Variants in LARP4B observed in about 807,000 individuals in gnomAD.
LARP4B encodes the protein la-related protein 4B.
A neutral mutation model predicts 89.8 loss-of-function variants in LARP4B; 12 were observed. That is an observed-to-expected ratio of 0.13 (90% CI 0.09 to 0.22). LARP4B has a LOEUF of 0.22. Ranked by LOEUF, LARP4B falls within the 10% of genes least tolerant of loss-of-function variation. The pLI is 1.00. For missense variants in LARP4B, 757 were observed against 947.7 expected (o/e 0.80, Z 2.64); for synonymous variants, 367 against 363.3 (o/e 1.01, Z -0.12).
At chr10:960,253 G>T in the LARP4B span, among the ~76,000 whole-genome samples, 1 of 152,138 alleles carries the variant, frequency 6.6e-6, no homozygotes, top group African/African-American at 2.4e-5. Context: ...AGGGATGAGA[G>T]GGGGAGCACA....
intron 14 of LARP4B, chr10:819,738 T>TA (rs779975349): frequency 1.3e-4 from 20 of 152,210 alleles, no homozygotes; most frequent in African/African-American, 4.1e-4. Context: ...AATTAACTGG[T>TA]AAAAACTGCC....
chr10:857,020 T>G (rs939213768), intron 5 of LARP4B, among the ~76,000 whole-genome samples: 1 of 152,008 alleles, frequency 6.6e-6, no homozygotes, highest in Non-Finnish European at 1.5e-5. Context: ...AGGCCTCTTA[T>G]GGAAGGCGTC....
At chr10:852,801 TA>T (rs1257040969) in intron 5 of LARP4B, among the ~76,000 whole-genome samples, 1 of 152,140 alleles carries the variant, frequency 6.6e-6, no homozygotes, top group Non-Finnish European at 1.5e-5. Flanking sequence ...ACTCAATACA[TA>T]AAAATGAATG....
intron 3 of LARP4B, among the ~76,000 whole-genome samples, chr10:870,632 C>T (rs1215477551): frequency 6.6e-6 from 1 of 152,186 alleles, no homozygotes; most frequent in Non-Finnish European, 1.5e-5. Context: ...ATGGTGTGCA[C>T]GTTCACTCGT....
At chr10:840,612 T>C (rs899726532) in intron 7 of LARP4B, among the ~76,000 whole-genome samples, 3 of 152,216 alleles carry the variant, frequency 2.0e-5, no homozygotes, top group African/African-American at 7.2e-5. Flanking sequence ...TAATTAGCAG[T>C]TCAGTTACAT....
the LARP4B span, among the ~76,000 whole-genome samples, chr10:948,796 G>A: frequency 1.3e-4 from 20 of 152,348 alleles, no homozygotes; most frequent in South Asian, 3.5e-3. Context: ...GGGCCACTCT[G>A]AAGGTTTGTT....
intron 1 of LARP4B, among the ~76,000 whole-genome samples, chr10:889,810 C>T (rs1014688423): frequency 3.3e-5 from 5 of 152,062 alleles, no homozygotes; most frequent in East Asian, 1.9e-4. Flanking sequence ...GGTGTGGTGG[C>T]GGGTGCCTGT....
At chr10:985,307 A>T in the LARP4B span, 7 of 152,386 alleles carry the variant, frequency 4.6e-5, no homozygotes, top group African/African-American at 1.7e-4. Context: ...AACATAGATA[A>T]TACATAATGC....
At chr10:876,939 C>T (rs1182722147) in intron 3 of LARP4B, among the ~76,000 whole-genome samples, 1 of 152,182 alleles carries the variant, frequency 6.6e-6, no homozygotes, top group East Asian at 1.9e-4. Flanking sequence ...CACATGGATG[C>T]CACCAAGGTT....
intron 14 of LARP4B, chr10:818,095 G>A (rs1832158768): frequency 1.9e-6 from 1 of 519,934 alleles, no homozygotes; most frequent in South Asian, 2.7e-5. Context: ...GGATGCTGCT[G>A]CCCAAGAGAT....
chr10:818,952 C>T (rs891589079), intron 14 of LARP4B: 5 of 152,196 alleles, frequency 3.3e-5, no homozygotes, highest in African/African-American at 9.7e-5. Context: ...GACACAAACC[C>T]CAGTCCAGTC....
intron 3 of LARP4B, among the ~76,000 whole-genome samples, chr10:870,472 G>T (rs1564421066): frequency 6.6e-6 from 1 of 152,074 alleles, no homozygotes; most frequent in Admixed American, 6.5e-5. Context: ...TGTCCGCTAG[G>T]GTGGGATCAA....
chr10:958,189 C>T, the LARP4B span, among the ~76,000 whole-genome samples: 4 of 152,300 alleles, frequency 2.6e-5, no homozygotes, highest in East Asian at 3.9e-4. Context: ...CGGTGCTCCC[C>T]GCAGCCCTTG....
At chr10:906,224 A>G (rs1237928370) in intron 1 of LARP4B, among the ~76,000 whole-genome samples, 1 of 152,226 alleles carries the variant, frequency 6.6e-6, no homozygotes, top group East Asian at 1.9e-4. Context: ...CAATGCTTCT[A>G]TGACTCTTCT....
In LARP4B at chr10:851,926, C is replaced by T. The variant is rs547190476; in HGVS notation, c.431-6871G>A. The stretch of plus-strand genomic sequence containing the variant: ...ACAGAAAATACAAAAATAAGCCAGG[C>T]GTGGTGGTGTGCTACTGTAGTCCCA... On this transcript the variant is annotated intron_variant, in intron 5 of 17. Transcript: ENST00000316157. Among the ~76,000 whole-genome samples, 4 of 152,024 alleles carry T rather than the reference C, an allele frequency of 2.6e-5. No homozygotes were observed. The South Asian group carries it at 6.3e-4, about 24-fold the overall frequency.
intron 14 of LARP4B, chr10:818,779 T>C (rs578116290): frequency 5.3e-5 from 8 of 152,368 alleles, no homozygotes; most frequent in African/African-American, 1.9e-4. Context: ...AACAATGAGC[T>C]ACTCTGACCA....
the LARP4B span, among the ~76,000 whole-genome samples, chr10:949,587 C>T: frequency 1.3e-5 from 2 of 152,258 alleles, no homozygotes; most frequent in African/African-American, 2.4e-5. Flanking sequence ...ATCTGCTCTC[C>T]CCGTCCTCAC....
intron 1 of LARP4B, among the ~76,000 whole-genome samples, chr10:917,196 T>C (rs551048694): frequency 6.6e-6 from 1 of 152,344 alleles, no homozygotes; most frequent in South Asian, 2.1e-4. Flanking sequence ...GTTTGAAACA[T>C]TGCTGATTCT....
chr10:843,517 G>T (rs1354257146), intron 6 of LARP4B, among the ~76,000 whole-genome samples: 1 of 152,058 alleles, frequency 6.6e-6, no homozygotes, highest in Non-Finnish European at 1.5e-5. Context: ...TGACCAACAT[G>T]GTGAAACCCC....
Sources: allele counts gnomAD v4.1 joint callset (sites outside exome capture counted in the v4.1 genomes callset), GRCh38; gene constraint gnomAD v4.1.1; transcripts MANE v1.5; gene names NCBI Gene and HGNC (gene_info 2026-07-23, HGNC 2026-07-21).